PIAS4: variants seen among roughly 807,000 people sequenced by gnomAD.
PIAS4 encodes E3 SUMO-protein ligase PIAS4.
In PIAS4, 7 loss-of-function variants were observed where a neutral mutation model predicts 58.0. The observed-to-expected ratio is 0.12, with a 90% CI of 0.07 to 0.23. The LOEUF is 0.23. PIAS4 is among the 10% of genes least tolerant of loss of function. The probability of loss-of-function intolerance (pLI) is 1.00; values close to 1 mark genes in which losing one functional copy is unlikely to be tolerated. For missense variants in PIAS4, 550 were observed against 709.5 expected, an observed-to-expected ratio of 0.78 and a Z score of 2.55; for synonymous variants, 364 against 312.4, an observed-to-expected ratio of 1.17 and a Z score of -1.74.
chr19:4,033,716 A>G, intron 9 of PIAS4, 136 bp downstream of exon 9: 1 of 741,748 alleles, frequency 1.3e-6, no homozygotes, highest in Non-Finnish European at 2.1e-6. Flanking sequence ...AGCTTTGGAA[A>G]CCCCGGGCTG....
At chr19:4,010,611 C>T (rs1202437973) in intron 1 of PIAS4, among the ~76,000 whole-genome samples, 2 of 152,218 alleles carry the variant, frequency 1.3e-5, no homozygotes, top group African/African-American at 4.8e-5. Flanking sequence ...GAGTGAGGGT[C>T]CCCCGGGCAG....
intron 1 of PIAS4, among the ~76,000 whole-genome samples, chr19:4,010,272 CA>C (rs2039979970): frequency 6.6e-6 from 1 of 152,162 alleles, no homozygotes; most frequent in South Asian, 2.1e-4. Context: ...AACATATGGC[CA>C]CCTAAGGGGT....
At chr19:4,023,480 C>CAA (rs2144921937) in intron 2 of PIAS4, among the ~76,000 whole-genome samples, 1 of 152,290 alleles carries the variant, frequency 6.6e-6, no homozygotes, top group African/African-American at 2.4e-5. Context: ...CAAAACAAAA[C>CAA]AAAACAAACA....
At position 4,013,581 on chromosome 19, in the gene PIAS4, G is replaced by A. The variant is rs919851170; in HGVS notation, c.454+232G>A. On this transcript the variant is annotated intron_variant, in intron 2 of 10. Transcript: ENST00000262971. This position sits in a 1 kb window ranked among gnomAD's most constrained non-coding sequence, Gnocchi z 5.1. ...GAAATGGAGCCACTGGAAGCAGGGG[G>A]CGTCTGTTAGCTCTCAGGAACCTGT... Among the ~76,000 whole-genome samples the A allele has an allele frequency of 6.6e-6, 1 of 152,194 alleles. No individual in the cohort carries two copies. The highest frequency in any genetic ancestry group is 1.9e-4 in the East Asian group (1 of 5,186).
At chr19:4,016,467 C>T (rs776647933) in intron 2 of PIAS4, among the ~76,000 whole-genome samples, 3 of 152,250 alleles carry the variant, frequency 2.0e-5, no homozygotes, top group East Asian at 1.9e-4. Flanking sequence ...TGCCCTTCAG[C>T]CTCTGAAGCC....
chr19:4,028,389 C>A (rs953916198), intron 4 of PIAS4, 121 bp from the exon 5 acceptor site: 7 of 828,780 alleles, frequency 8.4e-6, no homozygotes, highest in African/African-American at 3.4e-5. Context: ...CTGATACCCC[C>A]CGTGTCACAT....
At position 4,037,245 on chromosome 19, in the gene PIAS4, G is replaced by A. The variant is rs2040307938; in HGVS notation, c.1143-129G>A. On this transcript the variant is annotated intron_variant, in intron 9 of 10. Transcript: ENST00000262971. The surrounding 1 kb of genome is among the most constrained non-coding windows in gnomAD (Gnocchi z 5.8). ...GCGGGGTCCCTGGACCCCTGCGGTCGGGGTGGTGAGGCTGCTCTTGCAGAG... is the reference window on the plus strand; with the variant it reads ...GCGGGGTCCCTGGACCCCTGCGGTCAGGGTGGTGAGGCTGCTCTTGCAGAG... 26 of 1,211,162 alleles carry A rather than the reference G, an allele frequency of 2.1e-5. No individual in the cohort carries two copies. The highest frequency in any genetic ancestry group is 1.1e-4 in the Admixed American group (4 of 37,828). 75.0% of individuals were successfully genotyped at this position (1,211,162 alleles called of 1,614,324 possible).
intron 7 of PIAS4, among the ~76,000 whole-genome samples, chr19:4,032,166 G>A (rs2040228396): frequency 6.6e-6 from 1 of 152,120 alleles, no homozygotes; most frequent in Admixed American, 6.5e-5. Flanking sequence ...AGGGGTGGTA[G>A]GGGCATTTCC....
chr19:4,025,688 C>CGTCTTTCTCAGCCTT (rs6146449), intron 3 of PIAS4, among the ~76,000 whole-genome samples: 132,033 of 151,700 alleles, frequency 0.87, 58,158 homozygotes, highest in East Asian at 0.96. Flanking sequence ...TTCTCAGCCT[C>CGTCTTTCTCAGCCTT]GTCTTCCTTG....
chr19:4,013,125 C>T lies in PIAS4; in HGVS notation c.230C>T (p.Pro77Leu), dbSNP rs142623244. ...AAGAACTCGGAGCCTGCCCCACAGC[C>T]GCACCGGCCCCTGGACCCCCTGACC... The part of the protein sequence containing the change: ...AKKNSEPAPQ[P>L]HRPLDPLTMH... The change falls in exon 2 of 11, where the codon CCG becomes CTG. Residue 77 changes from proline to leucine, a missense_variant. By Grantham distance (98) the Pro-to-Leu change is moderately conservative (BLOSUM62 -3). This residue lies in a region of PIAS4 where 95 missense variants were observed against 87.5 expected (regional missense o/e 1.09). Coordinates refer to ENST00000262971, the MANE Select transcript of PIAS4 (RefSeq NM_015897.4). This position sits in a 1 kb window ranked among gnomAD's most constrained non-coding sequence, Gnocchi z 5.1. The T allele has an allele frequency of 5.8e-4, 930 of 1,613,378 alleles. 3 individuals are homozygous for T. Among genetic ancestry groups the T allele is most frequent in the Middle Eastern group, 2.0e-3 (12 of 6,062 alleles).
chr19:4,036,493 C>T (rs1403018397), intron 9 of PIAS4, among the ~76,000 whole-genome samples: 1 of 146,186 alleles, frequency 6.8e-6, no homozygotes, highest in Non-Finnish European at 1.5e-5. Context: ...ACAGTCCACA[C>T]CGTCATACAA....
Position 4,037,254 on chromosome 19 carries a change from A to G in PIAS4, c.1143-120A>G. On this transcript the variant is annotated intron_variant, in intron 9 of 10. Coordinates refer to ENST00000262971, the MANE Select transcript of PIAS4 (RefSeq NM_015897.4). This position sits in a 1 kb window ranked among gnomAD's most constrained non-coding sequence, Gnocchi z 5.8. ...CTGGACCCCTGCGGTCGGGGTGGTG[A>G]GGCTGCTCTTGCAGAGAGAAGTGGG... The G allele has an allele frequency of 7.8e-7, 1 of 1,277,542 alleles. No individual in the cohort carries two copies. The highest frequency in any genetic ancestry group is 1.0e-6 in the Non-Finnish European group (1 of 956,794). 79.1% of individuals were successfully genotyped at this position (1,277,542 alleles called of 1,614,324 possible).
rs1411581577 is a variant in PIAS4, at chr19:4,013,611, T to A, written c.454+262T>A. On this transcript the variant is annotated intron_variant, in intron 2 of 10. Transcript: ENST00000262971. The surrounding 1 kb of genome is among the most constrained non-coding windows in gnomAD (Gnocchi z 5.1). ...TGTTAGCTCTCAGGAACCTGTGAGC[T>A]GTGTTGCGGGGCATTGGGGCTTGGG... 6.6e-6 allele frequency among the ~76,000 whole-genome samples: 1 copy of A among 152,074 alleles called. No homozygotes were observed. The highest frequency in any genetic ancestry group is 2.4e-5 in the African/African-American group (1 of 41,398).
At chr19:4,028,482 C>G (rs767450165) in intron 4 of PIAS4, 28 bp from the exon 5 acceptor site, 1 of 1,571,594 alleles carries the variant, frequency 6.4e-7, no homozygotes, top group Admixed American at 1.7e-5. Flanking sequence ...GCCCCCTCCC[C>G]GCCCCATGGT....
rs576849155 is a variant in PIAS4, at chr19:4,013,045, T to C, written c.150T>C (p.Cys50=). ...TRALQLVQFD[C]SPELFKKIKE... ...CCCTCCAGCTGGTGCAGTTTGACTG[T>C]AGCCCTGAGCTGTTCAAGAAGATCA... Residue 50 remains cysteine, a synonymous_variant, in exon 2 of 11, where the codon TGT becomes TGC. Coordinates refer to ENST00000262971, the MANE Select transcript of PIAS4 (RefSeq NM_015897.4). This position sits in a 1 kb window ranked among gnomAD's most constrained non-coding sequence, Gnocchi z 5.1. The C allele has an allele frequency of 6.2e-7, 1 of 1,613,592 alleles. No homozygotes were observed. Among genetic ancestry groups the C allele is most frequent in the Non-Finnish European group, 8.5e-7 (1 of 1,179,988 alleles).
In PIAS4 at chr19:4,028,611, C is replaced by T; in HGVS notation, c.672+11C>T. The T allele has an allele frequency of 1.2e-6, 2 of 1,611,872 alleles. No individual in the cohort carries two copies. The highest frequency in any genetic ancestry group is 1.7e-6 in the Non-Finnish European group (2 of 1,179,242). On this transcript the variant is annotated intron_variant, in intron 5 of 10. Transcript: ENST00000262971. ...TACTGCTCCGTCCCGGTGAGCATGC[C>T]CCGCCCCCGCGTCGGCTGCACGGGT... is the stretch of plus-strand genomic sequence containing the variant.
At chr19:4,026,922 A>T (rs531497877) in intron 3 of PIAS4, among the ~76,000 whole-genome samples, 1 of 151,990 alleles carries the variant, frequency 6.6e-6, no homozygotes, top group South Asian at 2.1e-4. Flanking sequence ...ATCTTGGCTC[A>T]CTGCAAGCTC....
chr19:4,013,786 T>C lies in PIAS4; in HGVS notation c.454+437T>C, dbSNP rs996605072. 7.2e-5 allele frequency among the ~76,000 whole-genome samples: 11 copies of C among 152,194 alleles called. No homozygotes were observed. The highest frequency in any genetic ancestry group is 2.9e-5 in the Non-Finnish European group (2 of 68,016). The stretch of plus-strand genomic sequence containing the variant: ...CCCAGGTCCTCATGGTGCGGACTCC[T>C]GCACGGATTGCCTGGGCGTCCTCAG... On this transcript the variant is annotated intron_variant, in intron 2 of 10. Coordinates refer to ENST00000262971, the MANE Select transcript of PIAS4 (RefSeq NM_015897.4). This position sits in a 1 kb window ranked among gnomAD's most constrained non-coding sequence, Gnocchi z 5.1.
chr19:4,036,470 G>A lies in PIAS4; in HGVS notation c.1143-904G>A, dbSNP rs111163823. ...CACACACATCTATACGGTCCACACCGTCACACATCCATACAGTCCACACCG... is the reference window on the plus strand; with the variant it reads ...CACACACATCTATACGGTCCACACCATCACACATCCATACAGTCCACACCG... On this transcript the variant is annotated intron_variant, in intron 9 of 10. Coordinates refer to ENST00000262971, the MANE Select transcript of PIAS4 (RefSeq NM_015897.4). Among the ~76,000 whole-genome samples the A allele has an allele frequency of 1.8e-4, 20 of 113,272 alleles. 2 individuals carry two copies. Among genetic ancestry groups the A allele is most frequent in the African/African-American group, 3.2e-4 (9 of 28,232 alleles). 74.3% of individuals were successfully genotyped at this position (113,272 alleles called of 152,430 possible).
Sources: allele counts gnomAD v4.1 joint callset (sites outside exome capture counted in the v4.1 genomes callset), GRCh38; gene constraint gnomAD v4.1.1; regional missense constraint gnomAD v4.1.1; non-coding constraint Gnocchi (gnomAD v3.1); transcripts MANE v1.5; gene names NCBI Gene and HGNC (gene_info 2026-07-23, HGNC 2026-07-21).